Variants in NAV2 observed in about 807,000 individuals in gnomAD.
The protein encoded by NAV2 is helicase, APC down-regulated 1.
In NAV2, 54 loss-of-function variants were observed where a neutral mutation model predicts 223.2. The ratio of observed to expected loss-of-function variants is 0.24; its 90% CI spans 0.19 to 0.30. The LOEUF (loss-of-function observed/expected upper bound fraction) is 0.30. Ranked by LOEUF, NAV2 falls within the 10% of genes least tolerant of loss-of-function variation. The pLI is 1.00. For synonymous variants in NAV2, 1,279 were observed against 1,239.3 expected (o/e 1.03, Z -0.67); for missense variants, 2,806 against 3,147.5 (o/e 0.89, Z 2.60).
intron 3 of NAV2, among the ~76,000 whole-genome samples, chr11:19,850,599 G>A (rs911405393): frequency 2.6e-5 from 4 of 152,170 alleles, no homozygotes; most frequent in Admixed American, 2.0e-4. Flanking sequence ...AAATAGATAT[G>A]TAGTGCTGTT....
At chr11:19,467,970 G>A (rs1048802406) in intron 1 of NAV2, among the ~76,000 whole-genome samples, 1 of 152,250 alleles carries the variant, frequency 6.6e-6, no homozygotes, top group Non-Finnish European at 1.5e-5. Context: ...AGAATCAACA[G>A]CGAGTCTTCC....
intron 1 of NAV2, among the ~76,000 whole-genome samples, chr11:19,788,731 C>T (rs75345171): frequency 0.059 from 8,930 of 152,228 alleles, 343 homozygotes; most frequent in Middle Eastern, 0.099. Context: ...TCTGGTTCCT[C>T]GAACTCACCA....
At chr11:19,843,785 TG>T (rs1424044364) in intron 3 of NAV2, among the ~76,000 whole-genome samples, 12 of 151,792 alleles carry the variant, frequency 7.9e-5, no homozygotes. Context: ...AAGCTTAATT[TG>T]CTTCTGTAAC....
intron 26 of NAV2, among the ~76,000 whole-genome samples, chr11:20,089,259 A>C (rs2060660507): frequency 6.6e-6 from 1 of 152,196 alleles, no homozygotes; most frequent in Admixed American, 6.5e-5. Flanking sequence ...GGTAACTTTT[A>C]AAAACATAAG....
At chr11:19,976,217 T>C (rs1043951770) in intron 10 of NAV2, among the ~76,000 whole-genome samples, 1 of 152,102 alleles carries the variant, frequency 6.6e-6, no homozygotes, top group African/African-American at 2.4e-5. Context: ...TTTATGGAAA[T>C]GTTGAGTCTG....
chr11:19,996,589 G>A (rs2051912489), intron 11 of NAV2, among the ~76,000 whole-genome samples: 1 of 152,228 alleles, frequency 6.6e-6, no homozygotes, highest in African/African-American at 2.4e-5. Flanking sequence ...AGGCTTCAGA[G>A]TTTCCCCTGT....
intron 1 of NAV2, among the ~76,000 whole-genome samples, chr11:19,401,677 C>G (rs1308544885): frequency 6.6e-6 from 1 of 152,168 alleles, no homozygotes; most frequent in Non-Finnish European, 1.5e-5. Flanking sequence ...CTGCAGGGAG[C>G]ACTATGTATA....
intron 6 of NAV2, among the ~76,000 whole-genome samples, chr11:19,919,144 T>C (rs1377540703): frequency 6.6e-6 from 1 of 152,108 alleles, no homozygotes; most frequent in African/African-American, 2.4e-5. Flanking sequence ...TTGAGCCCAG[T>C]CATATCCCTG....
intron 1 of NAV2, among the ~76,000 whole-genome samples, chr11:19,684,339 G>A (rs973438399): frequency 1.3e-5 from 2 of 152,048 alleles, no homozygotes; most frequent in African/African-American, 4.8e-5. Flanking sequence ...TGACTCATGT[G>A]TCAATGCCCA....
At chr11:20,056,868 A>G (rs2058393534) in intron 19 of NAV2, among the ~76,000 whole-genome samples, 1 of 152,214 alleles carries the variant, frequency 6.6e-6, no homozygotes, top group South Asian at 2.1e-4. Flanking sequence ...AGCTCATGGA[A>G]TTATGAGAAT....
intron 1 of NAV2, among the ~76,000 whole-genome samples, chr11:19,811,737 C>CTTT (rs1300325024): frequency 1.3e-5 from 2 of 152,118 alleles, no homozygotes; most frequent in Non-Finnish European, 2.9e-5. Context: ...TTTTTGCGTG[C>CTTT]TTTTGCTAAA....
intron 1 of NAV2, among the ~76,000 whole-genome samples, chr11:19,544,714 G>A (rs960338178): frequency 2.0e-5 from 3 of 152,170 alleles, no homozygotes; most frequent in Non-Finnish European, 2.9e-5. Flanking sequence ...TGCACAGAAA[G>A]CATGGAAAGT....
chr11:19,887,183 C>A (rs7102028), intron 5 of NAV2, among the ~76,000 whole-genome samples: 2 of 151,976 alleles, frequency 1.3e-5, no homozygotes, highest in Non-Finnish European at 2.9e-5. Context: ...CTGCCAGAAC[C>A]CAACACTTTG....
chr11:19,959,737 C>T (rs1565646829), intron 10 of NAV2, among the ~76,000 whole-genome samples: 1 of 152,224 alleles, frequency 6.6e-6, no homozygotes, highest in Non-Finnish European at 1.5e-5. Context: ...AGTGAGCCCT[C>T]TCCTTAGACA....
chr11:19,979,540 G>A (rs866403927), intron 10 of NAV2, among the ~76,000 whole-genome samples: 5 of 152,172 alleles, frequency 3.3e-5, no homozygotes, highest in Non-Finnish European at 5.9e-5. Flanking sequence ...AAACTCCTCC[G>A]CACCCTTTAG....
At chr11:19,762,133 C>T (rs2054803549) in intron 1 of NAV2, among the ~76,000 whole-genome samples, 1 of 152,170 alleles carries the variant, frequency 6.6e-6, no homozygotes, top group Admixed American at 6.5e-5. Context: ...ATCCCAGCTA[C>T]CCAGGAGGCT....
At position 19,899,974 on chromosome 11, in the gene NAV2, G is replaced by A. The variant is rs117644485; in HGVS notation, c.931+7380G>A. The stretch of plus-strand genomic sequence containing the variant: ...TCAAGAGATCTTTGTCATTGCTGGA[G>A]CTATTATCCCAGGCCAGGGAGAGCT... On this transcript the variant is annotated intron_variant, in intron 6 of 37. Transcript: ENST00000349880. Among the ~76,000 whole-genome samples the A allele has an allele frequency of 1.7e-3, 263 of 152,280 alleles. 2 individuals are homozygous for A. The East Asian group carries it at 0.031, about 18-fold the overall frequency.
intron 19 of NAV2, among the ~76,000 whole-genome samples, chr11:20,056,990 C>T (rs1294086170): frequency 6.6e-6 from 1 of 152,186 alleles, no homozygotes; most frequent in Non-Finnish European, 1.5e-5. Context: ...ACAGCTTCAG[C>T]ATTGACTTCC....
intron 1 of NAV2, among the ~76,000 whole-genome samples, chr11:19,424,386 C>T (rs1348327910): frequency 6.6e-6 from 1 of 152,090 alleles, no homozygotes; most frequent in Non-Finnish European, 1.5e-5. Flanking sequence ...GAAATGCTGT[C>T]AGAGATATTT....
Sources: gnomAD v4.1 joint callset for allele counts (sites outside exome capture counted in the v4.1 genomes callset) on GRCh38, gnomAD v4.1.1 for gene constraint, MANE v1.5 for transcripts, NCBI Gene and HGNC (gene_info 2026-07-23, HGNC 2026-07-21) for gene names.